The following WWOX variants were observed in gnomAD, a reference collection of about 807,000 sequenced individuals.
WWOX encodes WW domain containing oxidoreductase.
In WWOX, 69 loss-of-function variants were observed where a neutral mutation model predicts 46.2. The observed-to-expected ratio is 1.49, with a 90% CI of 1.23 to 1.82. WWOX has a LOEUF of 1.82. WWOX is among the 40% of genes most tolerant of loss of function. The pLI, the probability that WWOX is intolerant of heterozygous loss-of-function variation, is 0.00. For synonymous variants in WWOX, 359 were observed against 202.6 expected, an observed-to-expected ratio of 1.77 and a Z score of -6.56; for missense variants, 919 against 542.6, an observed-to-expected ratio of 1.69 and a Z score of -6.89.
intron 8 of WWOX, among the ~76,000 whole-genome samples, chr16:78,548,951 AG>A (rs1439275216): frequency 6.6e-6 from 1 of 152,232 alleles, no homozygotes; most frequent in Non-Finnish European, 1.5e-5. Context: ...CCCCAAATAT[AG>A]CCCCAAACTG....
intron 8 of WWOX, among the ~76,000 whole-genome samples, chr16:78,508,415 A>G (rs1293732645): frequency 6.8e-6 from 1 of 147,894 alleles, no homozygotes; most frequent in African/African-American, 2.5e-5. Flanking sequence ...ACTGTGGCCC[A>G]GGGAAGCTAA....
intron 8 of WWOX, among the ~76,000 whole-genome samples, chr16:79,063,432 C>T (rs1040358798): frequency 7.2e-5 from 11 of 152,164 alleles, no homozygotes; most frequent in African/African-American, 2.4e-4. Context: ...TTAGTCAAAA[C>T]GATATAAACT....
chr16:78,259,431 A>G (rs903479941), intron 5 of WWOX, among the ~76,000 whole-genome samples: 3 of 152,202 alleles, frequency 2.0e-5, no homozygotes, highest in African/African-American at 7.2e-5. Context: ...GGTTCAAGCA[A>G]TTCTCCTGCC....
chr16:78,217,676 A>G (rs1242673311), intron 5 of WWOX, among the ~76,000 whole-genome samples: 1 of 152,130 alleles, frequency 6.6e-6, no homozygotes. Flanking sequence ...AAAGTGTTTA[A>G]CACATGCCTG....
At chr16:78,761,473 G>T (rs544540410) in intron 8 of WWOX, among the ~76,000 whole-genome samples, 1 of 152,246 alleles carries the variant, frequency 6.6e-6, no homozygotes, top group South Asian at 2.1e-4. Flanking sequence ...GGAGAAATTT[G>T]TGTTGGCTGA....
At chr16:78,363,751 G>C (rs2081466534) in intron 5 of WWOX, among the ~76,000 whole-genome samples, 1 of 152,184 alleles carries the variant, frequency 6.6e-6, no homozygotes, top group South Asian at 2.1e-4. Context: ...CTCTGGAGTA[G>C]ATGTTAGCAA....
At position 78,914,440 on chromosome 16, in the gene WWOX, C is replaced by G. The variant is rs533788384; in HGVS notation, c.1057-297168C>G. Among the ~76,000 whole-genome samples, 8 of 152,092 alleles carry G rather than the reference C, an allele frequency of 5.3e-5. No individual in the cohort carries two copies. In the South Asian group the frequency reaches 1.7e-3, roughly 32 times the overall value. On this transcript the variant is annotated intron_variant, in intron 8 of 8. Coordinates refer to ENST00000566780, the MANE Select transcript of WWOX (RefSeq NM_016373.4). ...AGGGATTTGCAGCTTGAACGCTGTA[C>G]TTTGAAACAGTTCCAGATTCATGAA...
At chr16:79,014,987 G>A (rs201013163) in intron 8 of WWOX, among the ~76,000 whole-genome samples, 1 of 152,190 alleles carries the variant, frequency 6.6e-6, no homozygotes, top group Admixed American at 6.5e-5. Flanking sequence ...AAAGGTACCT[G>A]CGAGGGATCA....
At chr16:78,405,700 C>G (rs1398185446) in intron 6 of WWOX, among the ~76,000 whole-genome samples, 4 of 152,104 alleles carry the variant, frequency 2.6e-5, no homozygotes, top group Non-Finnish European at 4.4e-5. Flanking sequence ...AGGAAATATC[C>G]TCTTTTAGGC....
At chr16:78,838,509 C>T (rs751186902) in intron 8 of WWOX, among the ~76,000 whole-genome samples, 6 of 152,094 alleles carry the variant, frequency 3.9e-5, no homozygotes, top group Non-Finnish European at 8.8e-5. Flanking sequence ...GGTAGGATTC[C>T]ATTTACATAA....
At chr16:78,760,213 G>A (rs985874550) in intron 8 of WWOX, among the ~76,000 whole-genome samples, 4 of 152,116 alleles carry the variant, frequency 2.6e-5, no homozygotes, top group African/African-American at 4.8e-5. Flanking sequence ...GGAGTTTCCC[G>A]TTATAAAAAC....
At chr16:78,756,505 G>T (rs552142617) in intron 8 of WWOX, among the ~76,000 whole-genome samples, 7 of 152,218 alleles carry the variant, frequency 4.6e-5, no homozygotes, top group African/African-American at 1.2e-4. Flanking sequence ...ATGGACTTTA[G>T]CCAGAACACA....
chr16:79,098,475 A>G (rs1378574408), intron 8 of WWOX, among the ~76,000 whole-genome samples: 1 of 152,254 alleles, frequency 6.6e-6, no homozygotes, highest in Non-Finnish European at 1.5e-5. Context: ...TGGAAAGAAA[A>G]GAAGGTCATT....
intron 8 of WWOX, among the ~76,000 whole-genome samples, chr16:78,441,230 C>G (rs11862893): frequency 0.082 from 12,474 of 152,202 alleles, 913 homozygotes; most frequent in African/African-American, 0.19. Context: ...CCTGTAGTTT[C>G]TTATTTAATG....
rs745890533 is a variant in WWOX, at chr16:78,820,194, C to T, written c.1056+387442C>T. 6.9e-4 allele frequency among the ~76,000 whole-genome samples: 105 copies of T among 152,216 alleles called. 1 individual carries two copies. Among genetic ancestry groups the T allele is most frequent in the Non-Finnish European group, 1.5e-4 (10 of 68,024 alleles). ...CATAGGAGAAGCCCCCAGCCACTGA[C>T]ATCTGGGTGTTGTAAGAAAGCAAGA... On this transcript the variant is annotated intron_variant, in intron 8 of 8. Coordinates refer to ENST00000566780, the MANE Select transcript of WWOX (RefSeq NM_016373.4).
At position 78,263,996 on chromosome 16, in the gene WWOX, C is replaced by CTTTT. The variant is rs757195574; in HGVS notation, c.516+99723_516+99726dup. Among the ~76,000 whole-genome samples the CTTTT allele has an allele frequency of 2.1e-3, 169 of 78,794 alleles. 20 individuals are homozygous for CTTTT. Among genetic ancestry groups the CTTTT allele is most frequent in the African/African-American group, 4.7e-3 (77 of 16,488 alleles). 51.7% of individuals were successfully genotyped at this position (78,794 alleles called of 152,430 possible). A position where few individuals can be genotyped will look rare whatever the true frequency, so the allele number is the denominator to read the frequency against. ...AGAAATATGTGTTTGGCTGTGAAAT[C>CTTTT]TTTTTTTTTTTTTTTTTTTGTTTTT... is the stretch of plus-strand genomic sequence containing the variant. On this transcript the variant is annotated intron_variant, in intron 5 of 8. Coordinates refer to ENST00000566780, the MANE Select transcript of WWOX (RefSeq NM_016373.4).
At chr16:79,092,769 C>G (rs925174827) in intron 8 of WWOX, among the ~76,000 whole-genome samples, 1 of 152,116 alleles carries the variant, frequency 6.6e-6, no homozygotes, top group Non-Finnish European at 1.5e-5. Context: ...TTAATGTAAA[C>G]GTTGTTGAAA....
intron 8 of WWOX, among the ~76,000 whole-genome samples, chr16:79,174,988 C>T (rs142294349): frequency 4.1e-4 from 63 of 152,252 alleles, no homozygotes; most frequent in African/African-American, 1.4e-3. Flanking sequence ...TCAACATGCA[C>T]GCGTTCTCTC....
At chr16:79,110,939 C>T (rs1182092502) in intron 8 of WWOX, 3 of 152,170 alleles carry the variant, frequency 2.0e-5, no homozygotes, top group Non-Finnish European at 2.9e-5. Flanking sequence ...TGGCACAAGG[C>T]CTTAATTCTT....
Sources: gnomAD v4.1 joint callset for allele counts (sites outside exome capture counted in the v4.1 genomes callset) on GRCh38, gnomAD v4.1.1 for gene constraint, MANE v1.5 for transcripts, NCBI Gene and HGNC (gene_info 2026-07-23, HGNC 2026-07-21) for gene names.